The following PPAT variants were observed in gnomAD, a reference collection of about 807,000 sequenced individuals.
The protein encoded by PPAT is phosphoribosyl pyrophosphate amidotransferase.
PPAT carries 20 observed loss-of-function variants against 60.2 expected under a neutral mutation model. The observed-to-expected ratio is 0.33, with a 90% CI of 0.23 to 0.48. The LOEUF is 0.48. PPAT is among the 20% of genes least tolerant of loss of function. The pLI, the probability that PPAT is intolerant of heterozygous loss-of-function variation, is 0.99. For missense variants in PPAT, 349 were observed against 629.6 expected (o/e 0.55, Z 4.77); for synonymous variants, 194 against 215.1 (o/e 0.90, Z 0.86).
intron 9 of PPAT, among the ~76,000 whole-genome samples, chr4:56,398,742 GC>G (rs1292933014): frequency 6.6e-6 from 1 of 152,130 alleles, no homozygotes; most frequent in East Asian, 1.9e-4. Flanking sequence ...GAGTCACTGT[GC>G]CCAGCCTATT....
intron 1 of PPAT, chr4:56,416,575 A>G (rs1383059007): frequency 6.6e-6 from 1 of 152,540 alleles, no homozygotes; most frequent in African/African-American, 2.4e-5. Context: ...TTGCCAACCC[A>G]CACTGAAAAA....
intron 3 of PPAT, 83 bp downstream of exon 3, chr4:56,406,412 C>T: frequency 7.0e-7 from 1 of 1,430,866 alleles, no homozygotes; most frequent in Non-Finnish European, 9.7e-7. Context: ...AGAAAATGCC[C>T]TTTACAAAGA....
chr4:56,429,631 C>T (rs547568636), intron 1 of PPAT, among the ~76,000 whole-genome samples: 1 of 152,206 alleles, frequency 6.6e-6, no homozygotes, highest in South Asian at 2.1e-4. Context: ...TAAAATAATC[C>T]AGCTTTAATG....
rs1367901360 is a variant in PPAT, at chr4:56,434,008, ACAAACTAATGTTG to A, written c.128+1329_128+1341del. On this transcript the variant is annotated intron_variant, in intron 1 of 10. Coordinates refer to ENST00000264220, the MANE Select transcript of PPAT (RefSeq NM_002703.5). ...CCTGGCCATAGTTTCTAAGAATGTT[ACAAACTAATGTTG>A]CTCACAACTACCACATAATCAAGAG... Among the ~76,000 whole-genome samples, 5 of 152,324 alleles carry A rather than the reference ACAAACTAATGTTG, an allele frequency of 3.3e-5. No individual in the cohort carries two copies. In the East Asian group the frequency reaches 9.6e-4, roughly 29 times the overall value.
intron 1 of PPAT, 61 bp downstream of exon 1, chr4:56,435,289 G>A: frequency 1.2e-6 from 2 of 1,604,202 alleles, no homozygotes; most frequent in Non-Finnish European, 1.7e-6. Flanking sequence ...AACGCCGACT[G>A]CGGGAAGCGG....
rs1415000946 is a variant in PPAT, at chr4:56,395,302, C to A, written c.*50G>T. On this transcript the variant is annotated 3_prime_UTR_variant, in exon 11 of 11. Transcript: ENST00000264220. ...AATAGATGAGGTGTGACCACTATAACTTCTTGACCAACTTTCTATCTTGAA... is the reference window on the plus strand; with the variant it reads ...AATAGATGAGGTGTGACCACTATAAATTCTTGACCAACTTTCTATCTTGAA... 2 of 1,502,752 alleles carry A rather than the reference C, an allele frequency of 1.3e-6. No homozygotes were observed. Among genetic ancestry groups the A allele is most frequent in the East Asian group, 4.8e-5 (2 of 41,950 alleles). 93.1% of individuals were successfully genotyped at this position (1,502,752 alleles called of 1,614,324 possible). A position where few individuals can be genotyped will look rare whatever the true frequency, so the allele number is the denominator to read the frequency against.
chr4:56,418,184 C>T (rs28866881), intron 1 of PPAT, among the ~76,000 whole-genome samples: 29,217 of 151,994 alleles, frequency 0.19, 3,150 homozygotes, highest in Admixed American at 0.33. Context: ...TGCATGGTAG[C>T]GTGTGCCTGT....
Position 56,401,409 on chromosome 4 carries a change from T to A in PPAT, c.807A>T (p.Ile269=). The A allele has an allele frequency of 1.2e-6, 2 of 1,607,600 alleles. No homozygotes were observed. Among genetic ancestry groups the A allele is most frequent in the East Asian group, 4.5e-5 (2 of 44,796 alleles). ...CCACTGGGTTTCCTTCAGACCTTGA[T>A]ATAATATCAAGAGTTTGGACATTGT... ...SRHNVQTLDI[I]SRSEGNPVAF... is the part of the protein sequence containing the mutation. Residue 269 remains isoleucine, a synonymous_variant, in exon 7 of 11, where the codon ATA becomes ATT. Transcript: ENST00000264220.
At chr4:56,424,102 G>C (rs991058427) in intron 1 of PPAT, among the ~76,000 whole-genome samples, 1 of 152,150 alleles carries the variant, frequency 6.6e-6, no homozygotes, top group Non-Finnish European at 1.5e-5. Flanking sequence ...TGAAATTGGA[G>C]TTGCTATTAT....
rs1417179510 is a variant in PPAT at position 56,394,977 on chromosome 4, G to T, written c.*375C>A. ...GTATAATGTATTCTATTCAAACTTT[G>T]TGTGAAATGGTATATTTAACTCACC... On this transcript the variant is annotated 3_prime_UTR_variant, in exon 11 of 11. Transcript: ENST00000264220. The T allele has an allele frequency of 1.6e-5, 3 of 185,512 alleles. No individual in the cohort carries two copies. Among genetic ancestry groups the T allele is most frequent in the African/African-American group, 7.2e-5 (3 of 41,562 alleles). 11.5% of individuals were successfully genotyped at this position (185,512 alleles called of 1,614,324 possible).
intron 1 of PPAT, among the ~76,000 whole-genome samples, chr4:56,418,639 A>G (rs1716891263): frequency 6.6e-6 from 1 of 152,176 alleles, no homozygotes; most frequent in Admixed American, 6.5e-5. Flanking sequence ...TTCTTTAATA[A>G]TATTACATCC....
intron 3 of PPAT, among the ~76,000 whole-genome samples, 199 bp from the exon 4 acceptor site, chr4:56,403,600 G>A (rs968628678): frequency 2.0e-5 from 3 of 152,028 alleles, no homozygotes; most frequent in Admixed American, 2.0e-4. Flanking sequence ...CATGGACCAG[G>A]GACAGGGGAT....
intron 1 of PPAT, among the ~76,000 whole-genome samples, chr4:56,408,754 A>G (rs1279029173): frequency 7.3e-4 from 12 of 16,540 alleles, no homozygotes; most frequent in Non-Finnish European, 1.4e-3. Flanking sequence ...ATTCCGTTTC[A>G]AAAAAAAAAA....
chr4:56,402,167 C>G lies in PPAT; in HGVS notation c.676G>C (p.Glu226Gln). The part of the protein sequence containing the change: ...DINDKEKKTS[E>Q]TEGWVVSSES... ...GAAGACACCACCCATCCTTCTGTTT[C>G]TGATGTTTTTTTCTCTGTAAATCAC... Residue 226 changes from glutamate to glutamine, a missense_variant, in exon 6 of 11, where the codon GAA (glutamate) becomes CAA (glutamine). Transcript: ENST00000264220. The G allele has an allele frequency of 1.2e-6, 2 of 1,605,992 alleles. No individual in the cohort carries two copies. The highest frequency in any genetic ancestry group is 8.5e-7 in the Non-Finnish European group (1 of 1,173,906).
chr4:56,412,141 A>G (rs546511610), intron 1 of PPAT, among the ~76,000 whole-genome samples: 26 of 152,234 alleles, frequency 1.7e-4, no homozygotes, highest in East Asian at 1.5e-3. Context: ...TGTGGGTGCC[A>G]ATATCTCAAC....
chr4:56,403,009 A>G (rs1716155727), intron 5 of PPAT, 31 bp downstream of exon 5: 1 of 1,552,620 alleles, frequency 6.4e-7, no homozygotes, highest in Non-Finnish European at 8.7e-7. Flanking sequence ...GAAAAACACT[A>G]TGAAATGATA....
At chr4:56,407,266 C>G in intron 2 of PPAT, among the ~76,000 whole-genome samples, 1 of 152,082 alleles carries the variant, frequency 6.6e-6, no homozygotes, top group South Asian at 2.1e-4. Flanking sequence ...AATCCCCCTC[C>G]CCATATTAAT....
chr4:56,402,764 T>C lies in PPAT; in HGVS notation c.661+276A>G, dbSNP rs181495275. Among the ~76,000 whole-genome samples the C allele has an allele frequency of 2.3e-3, 304 of 130,004 alleles. 10 individuals carry two copies. The South Asian group carries it at 0.041, about 18-fold the overall frequency. The allele number at this position is 130,004 out of a possible 152,430, so 85.3% of individuals were successfully genotyped here. A position where few individuals can be genotyped will look rare whatever the true frequency, so the allele number is the denominator to read the frequency against. ...CTGGGAGGTGGAGGTTGCAGTGAGC[T>C]GAGATCGCACCACTGCACTCCAGCA... On this transcript the variant is annotated intron_variant, in intron 5 of 10. Transcript: ENST00000264220.
intron 1 of PPAT, among the ~76,000 whole-genome samples, chr4:56,426,869 A>G (rs765418173): frequency 2.0e-5 from 3 of 152,168 alleles, no homozygotes; most frequent in Admixed American, 6.5e-5. Flanking sequence ...TCCAAACTGA[A>G]ACTTCTGTAG....
Sources: gnomAD v4.1 joint callset for allele counts (sites outside exome capture counted in the v4.1 genomes callset) on GRCh38, gnomAD v4.1.1 for gene constraint, MANE v1.5 for transcripts, NCBI Gene and HGNC (gene_info 2026-07-23, HGNC 2026-07-21) for gene names.